HIBCH: variants seen among roughly 807,000 people sequenced by gnomAD.
HIBCH encodes 3-hydroxyisobutyryl-CoA hydrolase.
HIBCH carries 50 observed loss-of-function variants against 58.2 expected under a neutral mutation model. The ratio of observed to expected loss-of-function variants is 0.86; its 90% CI spans 0.68 to 1.09. The LOEUF is 1.09. Ranked by LOEUF, HIBCH falls within the 50% of genes least tolerant of loss-of-function variation. The pLI is 0.00. For synonymous variants in HIBCH, 151 were observed against 146.9 expected (o/e 1.03, Z -0.20); for missense variants, 450 against 449.7 (o/e 1.00, Z -0.01).
intron 6 of HIBCH, among the ~76,000 whole-genome samples, chr2:190,273,895 G>A (rs1428848049): frequency 6.6e-6 from 1 of 151,962 alleles, no homozygotes; most frequent in Non-Finnish European, 1.5e-5. Flanking sequence ...CTGCAGCCTT[G>A]AATTCCTAGA....
chr2:190,251,422 G>C lies in HIBCH; in HGVS notation c.663+740C>G, dbSNP rs1292249668. ...AATAAGATAAGCCAGTCCAGTCAGAGTGAACCAAACCAGGTGAAGCAAAAT... is the reference window on the plus strand; with the variant it reads ...AATAAGATAAGCCAGTCCAGTCAGACTGAACCAAACCAGGTGAAGCAAAAT... On this transcript the variant is annotated intron_variant, in intron 8 of 13. Coordinates refer to ENST00000359678, the MANE Select transcript of HIBCH (RefSeq NM_014362.4). 3 of 350,758 alleles carry C rather than the reference G, an allele frequency of 8.6e-6. No individual in the cohort carries two copies. In the East Asian group the frequency reaches 3.0e-4, roughly 35 times the overall value. The allele number at this position is 350,758 out of a possible 1,614,324, so 21.7% of individuals were successfully genotyped here.
chr2:190,283,788 C>A (rs1315458054), intron 6 of HIBCH, among the ~76,000 whole-genome samples: 1 of 152,184 alleles, frequency 6.6e-6, no homozygotes, highest in East Asian at 1.9e-4. Context: ...AACAAACTTT[C>A]TCAGGGGTTC....
At chr2:190,252,097 C>A (rs560129458) in intron 8 of HIBCH, 65 bp downstream of exon 8, 4 of 1,493,032 alleles carry the variant, frequency 2.7e-6, no homozygotes, top group East Asian at 4.5e-5. Context: ...ACCCATTGTA[C>A]CTTCCCATGC....
chr2:190,256,851 G>A (rs1323114428), intron 7 of HIBCH, among the ~76,000 whole-genome samples: 1 of 152,134 alleles, frequency 6.6e-6, no homozygotes, highest in African/African-American at 2.4e-5. Flanking sequence ...ATACCTGGAT[G>A]AGATTAAGGG....
At chr2:190,283,980 T>C (rs1360625046) in intron 6 of HIBCH, among the ~76,000 whole-genome samples, 1 of 152,212 alleles carries the variant, frequency 6.6e-6, no homozygotes, top group Non-Finnish European at 1.5e-5. Flanking sequence ...CTTGGAGAGC[T>C]TGGCTTGTTC....
At position 190,195,444 on chromosome 2, in the gene HIBCH, T is replaced by C. The variant is rs558385025; in HGVS notation, c.*18-5447A>G. ...TACCATTTTGCATTCTCACCAACAG[T>C]GAATGAGAGTTCTGTTGCTTTTGCC... is the stretch of plus-strand genomic sequence containing the variant. On this transcript the variant is annotated intron_variant, in intron 1 of 1. Transcript: ENST00000399855. Among the ~76,000 whole-genome samples, 11 of 152,320 alleles carry C rather than the reference T, an allele frequency of 7.2e-5. No individual in the cohort carries two copies. The East Asian group carries it at 1.9e-3, about 27-fold the overall frequency.
chr2:190,223,162 C>T (rs1685774938), intron 11 of HIBCH, among the ~76,000 whole-genome samples: 1 of 152,116 alleles, frequency 6.6e-6, no homozygotes. Flanking sequence ...GGAGAAATAC[C>T]TAATGTACGT....
At chr2:190,259,365 G>GTGTGTGTGTGTGTGTGTC (rs1305957511) in intron 7 of HIBCH, among the ~76,000 whole-genome samples, 34 of 141,232 alleles carry the variant, frequency 2.4e-4, no homozygotes, top group Non-Finnish European at 3.7e-4. Context: ...GTGTGTGTGT[G>GTGTGTGTGTGTGTGTGTC]TGTCTGTCTG....
chr2:190,290,336 T>C, intron 5 of HIBCH, 69 bp downstream of exon 5: 1 of 1,105,056 alleles, frequency 9.0e-7, no homozygotes, highest in Non-Finnish European at 1.4e-6. Flanking sequence ...ATTGCATTTT[T>C]AACAAAGTAC....
intron 11 of HIBCH, among the ~76,000 whole-genome samples, chr2:190,223,220 G>A (rs1254205847): frequency 6.6e-6 from 1 of 152,158 alleles, no homozygotes; most frequent in Non-Finnish European, 1.5e-5. Flanking sequence ...GTATACCTAT[G>A]TAATAAAACT....
At chr2:190,268,939 C>T (rs755170243) in intron 6 of HIBCH, among the ~76,000 whole-genome samples, 5 of 152,110 alleles carry the variant, frequency 3.3e-5, no homozygotes, top group Non-Finnish European at 5.9e-5. Flanking sequence ...ATATCTAAAA[C>T]CATCTAATTT....
chr2:190,201,107 T>C (rs1690226077), downstream of HIBCH: 1 of 167,046 alleles, frequency 6.0e-6, no homozygotes, highest in Admixed American at 6.6e-5. Flanking sequence ...AAGATAAAAC[T>C]GTCCTTTGAG....
intron 7 of HIBCH, among the ~76,000 whole-genome samples, chr2:190,256,699 G>A (rs1013720174): frequency 2.6e-5 from 4 of 152,044 alleles, no homozygotes; most frequent in African/African-American, 9.7e-5. Flanking sequence ...GTAAGAACCA[G>A]CAGACAAAAA....
At chr2:190,272,759 G>C (rs903801560) in intron 6 of HIBCH, among the ~76,000 whole-genome samples, 4 of 152,018 alleles carry the variant, frequency 2.6e-5, no homozygotes, top group African/African-American at 4.8e-5. Flanking sequence ...TACCTTAATG[G>C]GGGGGCAGGG....
chr2:190,198,276 C>A (rs1690070500), intron 1 of HIBCH, among the ~76,000 whole-genome samples: 1 of 152,136 alleles, frequency 6.6e-6, no homozygotes, highest in South Asian at 2.1e-4. Flanking sequence ...GCAAACATCA[C>A]CTCCTCTGGA....
chr2:190,294,020 GTGTATATATATATATATATATA>G (rs1688035802), intron 4 of HIBCH, among the ~76,000 whole-genome samples: 1 of 125,876 alleles, frequency 7.9e-6, no homozygotes, highest in Non-Finnish European at 1.6e-5. Flanking sequence ...TATATTTTGT[GTGTATATATATATATATATATA>G]TATATATATA....
In HIBCH at chr2:190,204,783, A is replaced by C. The variant is rs1690347704; in HGVS notation, c.*334T>G. On this transcript the variant is annotated 3_prime_UTR_variant, in exon 14 of 14. Coordinates refer to ENST00000359678, the MANE Select transcript of HIBCH (RefSeq NM_014362.4). ...TTCACATTTTTCCATCTTCTAAAAC[A>C]AGGATTGACAAACTTTTTTCTGACA... is the stretch of plus-strand genomic sequence containing the variant. The C allele has an allele frequency of 7.8e-6, 2 of 255,068 alleles. No homozygotes were observed. The highest frequency in any genetic ancestry group is 1.5e-5 in the Non-Finnish European group (2 of 131,422). 15.8% of individuals were successfully genotyped at this position (255,068 alleles called of 1,614,324 possible). A position where few individuals can be genotyped will look rare whatever the true frequency, so the allele number is the denominator to read the frequency against.
At chr2:190,301,698 T>G (rs1688266800) in intron 2 of HIBCH, among the ~76,000 whole-genome samples, 1 of 152,180 alleles carries the variant, frequency 6.6e-6, no homozygotes, top group Non-Finnish European at 1.5e-5. Flanking sequence ...AACAGAAATT[T>G]ATTTCTAACA....
chr2:190,309,033 T>G (rs1004147339), intron 2 of HIBCH, among the ~76,000 whole-genome samples: 1 of 152,174 alleles, frequency 6.6e-6, no homozygotes, highest in African/African-American at 2.4e-5. Context: ...TTCCTAAAAT[T>G]TTCTAGATTT....
Sources: gnomAD v4.1 joint callset for allele counts (sites outside exome capture counted in the v4.1 genomes callset) on GRCh38, gnomAD v4.1.1 for gene constraint, MANE v1.5 for transcripts, NCBI Gene and HGNC (gene_info 2026-07-23, HGNC 2026-07-21) for gene names.